HIVEP3: variants seen among roughly 807,000 people sequenced by gnomAD.
HIVEP3 encodes the protein transcription factor HIVEP3.
A neutral mutation model predicts 152.8 loss-of-function variants in HIVEP3; 49 were observed. The observed-to-expected ratio is 0.32, with a 90% CI of 0.26 to 0.41. HIVEP3 has a LOEUF of 0.41. Ranked by LOEUF, HIVEP3 falls within the 10% of genes least tolerant of loss-of-function variation. The pLI is 1.00. For synonymous variants in HIVEP3, 1,269 were observed against 1,289.0 expected (o/e 0.98, Z 0.33); for missense variants, 2,790 against 3,103.3 (o/e 0.90, Z 2.40).
intron 1 of HIVEP3, among the ~76,000 whole-genome samples, chr1:41,817,467 G>A (rs1043443668): frequency 6.6e-6 from 1 of 152,168 alleles, no homozygotes; most frequent in Non-Finnish European, 1.5e-5. Context: ...GGTTCCTTAC[G>A]TGGGATGCTG....
rs138972283 is a variant in HIVEP3 at position 41,581,563 on chromosome 1, G to T, written c.3235C>A (p.Pro1079Thr). The T allele has an allele frequency of 6.3e-5, 102 of 1,609,354 alleles. No individual in the cohort carries two copies. The African/African-American group carries it at 1.2e-3, about 20-fold the overall frequency. ...TGGGACAATGAGCTTTTGGCAGAGGGTTTACTGGATGAGGGCTGTGGTTCT... is the reference window on the plus strand; with the variant it reads ...TGGGACAATGAGCTTTTGGCAGAGGTTTTACTGGATGAGGGCTGTGGTTCT... ...SEEPQPSSSK[P>T]SAKSSLSQIS... is the part of the protein sequence containing the mutation. Residue 1079 changes from proline (P) to threonine (T), a missense_variant, in exon 4 of 9, where the codon CCC becomes ACC. Pro to Thr is a conservative substitution (Grantham distance 38). Around this residue, in one of 9 missense-constraint regions of HIVEP3, gnomAD observed 1,078 missense variants for 1,165.3 expected, o/e 0.93. Coordinates refer to ENST00000372583, the MANE Select transcript of HIVEP3 (RefSeq NM_024503.5). This position sits in a 1 kb window ranked among gnomAD's most constrained non-coding sequence, Gnocchi z 4.5.
chr1:41,516,975 C>T (rs1332604898), intron 7 of HIVEP3, among the ~76,000 whole-genome samples: 2 of 152,266 alleles, frequency 1.3e-5, no homozygotes, highest in East Asian at 1.9e-4. Context: ...CCTGCCATGC[C>T]GACTGCCTGA....
intron 1 of HIVEP3, among the ~76,000 whole-genome samples, chr1:41,862,225 A>T (rs903129586): frequency 9.9e-5 from 15 of 152,170 alleles, no homozygotes; most frequent in Non-Finnish European, 1.9e-4. Context: ...CACCAATGAA[A>T]TGGCTGTCTG....
chr1:41,605,573 G>A (rs1644811723), intron 3 of HIVEP3, among the ~76,000 whole-genome samples: 1 of 152,076 alleles, frequency 6.6e-6, no homozygotes, highest in Non-Finnish European at 1.5e-5. Flanking sequence ...GATAATAAGG[G>A]GTGGTAGATG....
chr1:41,639,161 T>C (rs984181488), intron 2 of HIVEP3, among the ~76,000 whole-genome samples: 1 of 152,218 alleles, frequency 6.6e-6, no homozygotes, highest in African/African-American at 2.4e-5. Flanking sequence ...TTATTTGTTA[T>C]TGTGGTCTGT....
chr1:41,850,575 G>T (rs1208607793), intron 1 of HIVEP3, among the ~76,000 whole-genome samples: 1 of 152,298 alleles, frequency 6.6e-6, no homozygotes, highest in East Asian at 1.9e-4. Flanking sequence ...CGTCATTAGA[G>T]TCACAAGGCT....
At chr1:41,620,239 T>C (rs1402328191) in intron 3 of HIVEP3, among the ~76,000 whole-genome samples, 1 of 152,206 alleles carries the variant, frequency 6.6e-6, no homozygotes, top group African/African-American at 2.4e-5. Context: ...TTCCCACACC[T>C]GCAGCTACGC....
At chr1:41,635,558 ACATATACATACG>A in intron 2 of HIVEP3, among the ~76,000 whole-genome samples, 1 of 41,430 alleles carries the variant, frequency 2.4e-5, no homozygotes, top group Non-Finnish European at 4.3e-5. Flanking sequence ...ATATATACAT[ACATATACATACG>A]TATGTATATA....
chr1:41,940,411 T>C (rs1570828762), intron 1 of HIVEP3, among the ~76,000 whole-genome samples: 1 of 152,342 alleles, frequency 6.6e-6, no homozygotes, highest in Non-Finnish European at 1.5e-5. Flanking sequence ...AATGTTTGAA[T>C]TTCAGATTTT....
chr1:41,868,300 G>A (rs921357610), intron 1 of HIVEP3, among the ~76,000 whole-genome samples: 1 of 151,738 alleles, frequency 6.6e-6, no homozygotes, highest in Non-Finnish European at 1.5e-5. Context: ...GCCTTGGGTA[G>A]GTGCTCTACA....
rs532243516 is a variant in HIVEP3, at chr1:41,711,116, G to T, written c.-800-10121C>A. Among the ~76,000 whole-genome samples, 4 of 152,216 alleles carry T rather than the reference G, an allele frequency of 2.6e-5. No individual in the cohort carries two copies. The South Asian group carries it at 8.3e-4, about 32-fold the overall frequency. On this transcript the variant is annotated intron_variant, in intron 1 of 8. Transcript: ENST00000372583. ...TGCCACCCACCGGGCTGGCCTTCTA[G>T]TGCCCTCCCTTCCCTTTGCGCACTA... is the stretch of plus-strand genomic sequence containing the variant.
chr1:41,906,785 C>T (rs1210378415), intron 1 of HIVEP3, among the ~76,000 whole-genome samples: 3 of 151,878 alleles, frequency 2.0e-5, no homozygotes, highest in Non-Finnish European at 2.9e-5. Flanking sequence ...GAGTTACATA[C>T]GTTCTGCTTC....
intron 7 of HIVEP3, among the ~76,000 whole-genome samples, chr1:41,515,326 G>A (rs546712345): frequency 1.8e-3 from 269 of 152,354 alleles, no homozygotes; most frequent in African/African-American, 5.8e-3. Flanking sequence ...GCATTCAGCC[G>A]GATGTAGGTC....
At chr1:41,529,184 ACACT>A (rs1177962990) in intron 5 of HIVEP3, among the ~76,000 whole-genome samples, 1 of 92,046 alleles carries the variant, frequency 1.1e-5, no homozygotes, top group Non-Finnish European at 2.2e-5. Context: ...CCCCACCCTC[ACACT>A]CACATGCTTA....
intron 1 of HIVEP3, among the ~76,000 whole-genome samples, chr1:41,738,127 T>C (rs1646945376): frequency 6.6e-6 from 1 of 152,232 alleles, no homozygotes; most frequent in Admixed American, 6.5e-5. Flanking sequence ...CATCCTGCTC[T>C]GGCCAGTGGG....
At chr1:41,547,574 G>A (rs984608794) in intron 5 of HIVEP3, among the ~76,000 whole-genome samples, 1 of 152,172 alleles carries the variant, frequency 6.6e-6, no homozygotes, top group Non-Finnish European at 1.5e-5. Context: ...GAGGTGGCCT[G>A]GGGCCAAGGC....
intron 1 of HIVEP3, among the ~76,000 whole-genome samples, chr1:41,863,681 G>A (rs141765441): frequency 1.4e-4 from 21 of 152,278 alleles, no homozygotes; most frequent in African/African-American, 4.6e-4. Flanking sequence ...TTGATCTAAC[G>A]GCACACATAA....
At position 41,516,181 on chromosome 1, in the gene HIVEP3, G is replaced by GGCGGCCTCTTCCCAGGGCCCTTGCAGGA. The variant is rs1553218074; in HGVS notation, c.5470+2220_5470+2221insTCCTGCAAGGGCCCTGGGAAGAGGCCGC. 9.9e-5 allele frequency among the ~76,000 whole-genome samples: 15 copies of GGCGGCCTCTTCCCAGGGCCCTTGCAGGA among 151,656 alleles called. No homozygotes were observed. The East Asian group carries it at 2.1e-3, about 22-fold the overall frequency. ...GGCGCTGAGGGAATGCCCCTGGCTG[G>GGCGGCCTCTTCCCAGGGCCCTTGCAGGA]GCGGCCCCGCCCCTGCTGGGATCCA... On this transcript the variant is annotated intron_variant, in intron 7 of 8. Transcript: ENST00000372583.
intron 2 of HIVEP3, among the ~76,000 whole-genome samples, chr1:41,639,421 C>T (rs549375779): frequency 1.3e-5 from 2 of 152,318 alleles, no homozygotes; most frequent in East Asian, 3.9e-4. Context: ...TCACTTTCCT[C>T]ATGAGTCAGA....
Sources: allele counts gnomAD v4.1 joint callset (sites outside exome capture counted in the v4.1 genomes callset), GRCh38; gene constraint gnomAD v4.1.1; regional missense constraint gnomAD v4.1.1; non-coding constraint Gnocchi (gnomAD v3.1); transcripts MANE v1.5; gene names NCBI Gene and HGNC (gene_info 2026-07-23, HGNC 2026-07-21).